The following PCDHGA6 variants were observed in gnomAD, a reference collection of about 807,000 sequenced individuals.
PCDHGA6 encodes the protein protocadherin gamma-A6.
A neutral mutation model predicts 60.6 loss-of-function variants in PCDHGA6; 41 were observed. The observed-to-expected ratio is 0.68, with a 90% confidence interval of 0.53 to 0.88. PCDHGA6 has a LOEUF of 0.88. Ranked by LOEUF, PCDHGA6 falls within the 40% of genes least tolerant of loss-of-function variation. PCDHGA6 has a pLI of 0.00. For synonymous variants in PCDHGA6, 594 were observed against 524.4 expected (o/e 1.13, Z -1.81); for missense variants, 1,312 against 1,203.0 (o/e 1.09, Z -1.34).
intron 1 of PCDHGA6, among the ~76,000 whole-genome samples, chr5:141,483,725 C>T (rs903001715): frequency 1.3e-5 from 2 of 152,008 alleles, no homozygotes; most frequent in Non-Finnish European, 1.5e-5. Context: ...TGGTTCCCAC[C>T]ATAGTCAAAA....
chr5:141,477,992 G>T lies in PCDHGA6; in HGVS notation c.2425-16815G>T. The T allele has an allele frequency of 6.2e-7, 1 of 1,614,108 alleles. No individual in the cohort carries two copies. Among genetic ancestry groups the T allele is most frequent in the Non-Finnish European group, 8.5e-7 (1 of 1,180,024 alleles). On this transcript the variant is annotated intron_variant, in intron 1 of 3. Transcript: ENST00000517434. The surrounding 1 kb of genome is among the most constrained non-coding windows in gnomAD (Gnocchi z 4.9). Reference sequence around the variant, plus strand: ...CCTTTTTGCCATAGGGCTGCACACTGGTCAAATCAGTACTGCCCGTCCAGT... The same window carrying T: ...CCTTTTTGCCATAGGGCTGCACACTTGTCAAATCAGTACTGCCCGTCCAGT...
chr5:141,404,948 G>C, intron 1 of PCDHGA6: 2 of 1,613,956 alleles, frequency 1.2e-6, no homozygotes, highest in Non-Finnish European at 1.7e-6. Context: ...AGCCATAGCT[G>C]ACAGCATCCC....
chr5:141,418,902 T>A, intron 1 of PCDHGA6: 3 of 1,613,930 alleles, frequency 1.9e-6, no homozygotes, highest in Non-Finnish European at 2.5e-6. Context: ...CCAGAAATAA[T>A]CATCACGTCA....
chr5:141,410,104 C>G, intron 1 of PCDHGA6: 1 of 1,612,582 alleles, frequency 6.2e-7, no homozygotes, highest in Non-Finnish European at 8.5e-7. Context: ...CCTTAGGCGA[C>G]AGGGACGCAG....
At chr5:141,420,483 T>C in intron 1 of PCDHGA6, 2 of 581,364 alleles carry the variant, frequency 3.4e-6, no homozygotes, top group Non-Finnish European at 5.2e-6. Context: ...GCAAACTACA[T>C]GGGTAATCTC....
intron 1 of PCDHGA6, chr5:141,423,450 T>G (rs571358720): frequency 1.2e-6 from 2 of 1,614,050 alleles, no homozygotes; most frequent in East Asian, 4.5e-5. Flanking sequence ...CGTCACATTT[T>G]GTAGGCGTGG....
At chr5:141,428,255 G>C in intron 1 of PCDHGA6, 1 of 875,580 alleles carries the variant, frequency 1.1e-6, no homozygotes, top group Non-Finnish European at 1.8e-6. Flanking sequence ...CCAGACTTCA[G>C]TGACAGTCCT....
intron 1 of PCDHGA6, chr5:141,418,063 G>C (rs2015825): frequency 1.9e-6 from 3 of 1,613,754 alleles, no homozygotes; most frequent in Admixed American, 1.7e-5. Flanking sequence ...AGCTGCGAGT[G>C]AGCGCGGAGA....
At chr5:141,465,757 T>C (rs2099108578) in intron 1 of PCDHGA6, among the ~76,000 whole-genome samples, 1 of 152,046 alleles carries the variant, frequency 6.6e-6, no homozygotes, top group South Asian at 2.1e-4. Context: ...ACTGGTAAAG[T>C]CATGTTTCAT....
At chr5:141,380,577 C>T (rs187039576) in intron 1 of PCDHGA6, among the ~76,000 whole-genome samples, 268 of 152,102 alleles carry the variant, frequency 1.8e-3, no homozygotes, top group African/African-American at 5.8e-3. Flanking sequence ...CATATCTTGG[C>T]GGTCTAGTAA....
intron 1 of PCDHGA6, among the ~76,000 whole-genome samples, chr5:141,465,995 A>G (rs551920109): frequency 1.4e-3 from 208 of 151,976 alleles, no homozygotes; most frequent in African/African-American, 4.8e-3. Context: ...GGTGGCAGGC[A>G]CCTGTAGTCC....
At chr5:141,497,503 C>CTGCTTCCT (rs1042765123) in intron 2 of PCDHGA6, among the ~76,000 whole-genome samples, 57 of 151,054 alleles carry the variant, frequency 3.8e-4, no homozygotes, top group African/African-American at 1.4e-3. Flanking sequence ...TCTCCTCTCT[C>CTGCTTCCT]TGCTTCCTTA....
Position 141,375,358 on chromosome 5 carries a change from G to T in PCDHGA6, c.1275G>T (p.Thr425=). The T allele has an allele frequency of 6.2e-7, 1 of 1,613,810 alleles. No individual in the cohort carries two copies. Among genetic ancestry groups the T allele is most frequent in the Non-Finnish European group, 8.5e-7 (1 of 1,179,912 alleles). ...VFLYNITVTA[T]DKGTPPLSTE... is the part of the protein sequence containing the mutation. Reference sequence around the variant, plus strand: ...TGTACAACATCACTGTGACAGCCACGGACAAAGGAACACCACCTCTGTCTA... The same window carrying T: ...TGTACAACATCACTGTGACAGCCACTGACAAAGGAACACCACCTCTGTCTA... Residue 425 remains threonine, a synonymous_variant, in exon 1 of 4, where the codon ACG becomes ACT. Coordinates refer to ENST00000517434, the MANE Select transcript of PCDHGA6 (RefSeq NM_018919.3).
At chr5:141,398,700 C>T in intron 1 of PCDHGA6, 1 of 1,613,844 alleles carries the variant, frequency 6.2e-7, no homozygotes, top group Non-Finnish European at 8.5e-7. Context: ...GTAGTAAATA[C>T]CCGGAACTGG....
intron 1 of PCDHGA6, chr5:141,430,690 G>A: frequency 1.4e-6 from 2 of 1,410,426 alleles, no homozygotes; most frequent in Non-Finnish European, 1.9e-6. Flanking sequence ...CCCATTCTAT[G>A]GGCGAAGGAA....
In PCDHGA6 at chr5:141,376,106, C is replaced by G. The variant is rs747782630; in HGVS notation, c.2023C>G (p.Leu675Val). 1.2e-6 allele frequency: 2 copies of G among 1,613,796 alleles called. No homozygotes were observed. Among genetic ancestry groups the G allele is most frequent in the East Asian group, 4.5e-5 (2 of 44,870 alleles). ...ADRIPDILAD[L>V]GSLEPSAKPN... Reference sequence around the variant, plus strand: ...CAGGATCCCCGACATCCTGGCCGACCTGGGCAGCCTCGAGCCCTCCGCCAA... The same window carrying G: ...CAGGATCCCCGACATCCTGGCCGACGTGGGCAGCCTCGAGCCCTCCGCCAA... The change falls in exon 1 of 4, where the codon CTG becomes GTG. Residue 675 changes from leucine to valine, a missense_variant. By Grantham distance (32) the Leu-to-Val change is conservative. Coordinates refer to ENST00000517434, the MANE Select transcript of PCDHGA6 (RefSeq NM_018919.3).
At chr5:141,455,185 T>C (rs1334330699) in intron 1 of PCDHGA6, among the ~76,000 whole-genome samples, 1 of 152,064 alleles carries the variant, frequency 6.6e-6, no homozygotes, top group Admixed American at 6.6e-5. Flanking sequence ...TTTTTATTTC[T>C]CTACAAATTT....
In PCDHGA6 at chr5:141,375,665, C is replaced by A; in HGVS notation, c.1582C>A (p.Leu528Ile). The A allele has an allele frequency of 6.2e-7, 1 of 1,614,242 alleles. No individual in the cohort carries two copies. The highest frequency in any genetic ancestry group is 8.5e-7 in the Non-Finnish European group (1 of 1,180,046). ...RSFDYEQLRD[L>I]QLWVTASDSG... ...CTTCGACTATGAGCAGTTGAGAGAC[C>A]TACAGCTGTGGGTGACAGCCAGCGA... Residue 528 changes from leucine (L) to isoleucine (I), a missense_variant, in exon 1 of 4, where the codon CTA becomes ATA. Leu to Ile is a conservative substitution (Grantham distance 5). Coordinates refer to ENST00000517434, the MANE Select transcript of PCDHGA6 (RefSeq NM_018919.3).
intron 1 of PCDHGA6, chr5:141,415,943 T>A: frequency 1.8e-6 from 1 of 552,806 alleles, no homozygotes; most frequent in Non-Finnish European, 2.7e-6. Flanking sequence ...TCCTCCTGGG[T>A]GGTCACATAT....
Sources: gnomAD v4.1 joint callset for allele counts (sites outside exome capture counted in the v4.1 genomes callset) on GRCh38, gnomAD v4.1.1 for gene constraint, Gnocchi (gnomAD v3.1) non-coding constraint, MANE v1.5 for transcripts, NCBI Gene and HGNC (gene_info 2026-07-23, HGNC 2026-07-21) for gene names.